Variants in ADCY9 observed in about 807,000 individuals in gnomAD.
The protein encoded by ADCY9 is adenylate cyclase type 9.
ADCY9 carries 50 observed loss-of-function variants against 101.5 expected under a neutral mutation model. The observed-to-expected ratio is 0.49, with a 90% CI of 0.39 to 0.62. The LOEUF (loss-of-function observed/expected upper bound fraction) is 0.62, where lower values mean the gene tolerates loss of function less well. Among genes scored for constraint, ADCY9 ranks in the 20% least tolerant of loss-of-function variants. ADCY9 has a pLI of 0.00. For synonymous variants in ADCY9, 905 were observed against 769.3 expected (o/e 1.18, Z -2.92); for missense variants, 1,662 against 1,800.4 (o/e 0.92, Z 1.39).
chr16:3,991,572 C>T (rs2056243929), intron 5 of ADCY9, among the ~76,000 whole-genome samples: 1 of 151,984 alleles, frequency 6.6e-6, no homozygotes, highest in Non-Finnish European at 1.5e-5. Flanking sequence ...ACCCGCCTGG[C>T]CAACATGTTA....
chr16:4,036,115 A>G lies in ADCY9; in HGVS notation c.1694-28557T>C, dbSNP rs574899538. On this transcript the variant is annotated intron_variant, in intron 2 of 10. Transcript: ENST00000294016. ...TGCCAGAGCTGTGATCTTCCAGTAC[A>G]CTGGAGAAGCTCCTTGTATCTTCCT... Among the ~76,000 whole-genome samples the G allele has an allele frequency of 6.2e-5, 9 of 144,634 alleles. No individual in the cohort carries two copies. The South Asian group carries it at 2.0e-3, about 32-fold the overall frequency. The allele number at this position is 144,634 out of a possible 152,430, so 94.9% of individuals were successfully genotyped here.
chr16:4,100,180 T>C (rs950828522), intron 2 of ADCY9, among the ~76,000 whole-genome samples: 8 of 152,100 alleles, frequency 5.3e-5, no homozygotes, highest in Admixed American at 3.9e-4. Flanking sequence ...TCTCTCACTC[T>C]CTCTCTCTCC....
intron 3 of ADCY9, among the ~76,000 whole-genome samples, chr16:3,995,085 C>T (rs1460833787): frequency 2.0e-5 from 3 of 152,184 alleles, no homozygotes; most frequent in African/African-American, 7.2e-5. Context: ...CTGTTCAAAT[C>T]ACTTTACCTC....
chr16:4,107,368 T>A (rs1047470534), intron 2 of ADCY9, among the ~76,000 whole-genome samples: 5 of 151,780 alleles, frequency 3.3e-5, no homozygotes, highest in African/African-American at 9.7e-5. Flanking sequence ...CTGGCCTACA[T>A]GGTGAAACCC....
chr16:4,108,706 CTTT>C (rs112428707), intron 2 of ADCY9, among the ~76,000 whole-genome samples: 7 of 124,530 alleles, frequency 5.6e-5, no homozygotes, highest in African/African-American at 9.2e-5. Flanking sequence ...GTCCCTCACA[CTTT>C]TTTTTTTTTT....
chr16:3,998,749 G>GAAAAGA (rs1352047433), intron 3 of ADCY9, among the ~76,000 whole-genome samples: 6 of 89,718 alleles, frequency 6.7e-5, no homozygotes, highest in Non-Finnish European at 1.2e-4. Flanking sequence ...AAGAAAGAAA[G>GAAAAGA]AAAGAAAAGA....
chr16:4,004,511 G>C (rs2056353913), intron 3 of ADCY9, among the ~76,000 whole-genome samples: 2 of 152,234 alleles, frequency 1.3e-5, no homozygotes, highest in African/African-American at 4.8e-5. Flanking sequence ...ACACAGTTCT[G>C]CTCGGGCTTC....
At chr16:4,100,144 T>C (rs548990313) in intron 2 of ADCY9, among the ~76,000 whole-genome samples, 3 of 152,214 alleles carry the variant, frequency 2.0e-5, no homozygotes, top group South Asian at 2.1e-4. Context: ...GGTTTAAAAG[T>C]GGCAGTTCCC....
At chr16:4,095,471 C>G (rs189362113) in intron 2 of ADCY9, among the ~76,000 whole-genome samples, 157 of 152,224 alleles carry the variant, frequency 1.0e-3, no homozygotes, top group African/African-American at 3.6e-3. Context: ...ACAGAATCAT[C>G]GGTAAGAACA....
Position 3,992,080 on chromosome 16 carries a change from A to G in ADCY9, c.2207+66T>C. ...AGCGAGACTCAGTCTTAAAGAAAAG[A>G]AAAGAAAAAGGCAGAGAGGCTTCTG... is the stretch of plus-strand genomic sequence containing the variant. On this transcript the variant is annotated intron_variant, in intron 5 of 10. Coordinates refer to ENST00000294016, the MANE Select transcript of ADCY9 (RefSeq NM_001116.4). This position sits in a 1 kb window ranked among gnomAD's most constrained non-coding sequence, Gnocchi z 4.2. The G allele has an allele frequency of 6.6e-7, 1 of 1,522,356 alleles. No individual in the cohort carries two copies. Among genetic ancestry groups the G allele is most frequent in the Non-Finnish European group, 9.0e-7 (1 of 1,108,790 alleles). The allele number at this position is 1,522,356 out of a possible 1,614,324, so 94.3% of individuals were successfully genotyped here. A position where few individuals can be genotyped will look rare whatever the true frequency, so the allele number is the denominator to read the frequency against.
chr16:3,963,122 A>C lies in ADCY9; in HGVS notation c.*2653T>G, dbSNP rs368545021. 6 of 64,416 alleles carry C rather than the reference A, an allele frequency of 9.3e-5. No individual in the cohort carries two copies. The South Asian group carries it at 2.6e-3, about 28-fold the overall frequency. 4.0% of individuals were successfully genotyped at this position (64,416 alleles called of 1,614,324 possible). On this transcript the variant is annotated 3_prime_UTR_variant, in exon 11 of 11. Coordinates refer to ENST00000294016, the MANE Select transcript of ADCY9 (RefSeq NM_001116.4). ...CATATATATATATATATATATATAT[A>C]TATATATATATATATATATATGGAT... is the stretch of plus-strand genomic sequence containing the variant.
At chr16:4,054,575 CT>C (rs913079110) in intron 2 of ADCY9, among the ~76,000 whole-genome samples, 89 of 146,330 alleles carry the variant, frequency 6.1e-4, no homozygotes, top group Admixed American at 7.5e-4. Flanking sequence ...GGATTTTTTT[CT>C]TTTTTTTTTT....
intron 2 of ADCY9, among the ~76,000 whole-genome samples, chr16:4,037,581 G>C (rs972280705): frequency 6.6e-6 from 1 of 152,108 alleles, no homozygotes; most frequent in Non-Finnish European, 1.5e-5. Flanking sequence ...ATATCTAGTA[G>C]TGGGATTAAT....
chr16:3,971,905 G>A (rs1335655360), intron 10 of ADCY9, among the ~76,000 whole-genome samples: 1 of 152,222 alleles, frequency 6.6e-6, no homozygotes, highest in Non-Finnish European at 1.5e-5. Context: ...CAGCACAGCT[G>A]ACTCGAGACG....
chr16:3,987,055 A>G (rs2056199313), intron 6 of ADCY9, among the ~76,000 whole-genome samples: 1 of 152,126 alleles, frequency 6.6e-6, no homozygotes, highest in Admixed American at 6.5e-5. Flanking sequence ...GCTCTTTGGT[A>G]TCTCTAACGT....
chr16:3,990,263 C>T (rs901727932), intron 5 of ADCY9, among the ~76,000 whole-genome samples: 1 of 152,010 alleles, frequency 6.6e-6, no homozygotes, highest in Non-Finnish European at 1.5e-5. Flanking sequence ...GTCAGGAGCT[C>T]GGGACCAGCC....
chr16:4,046,249 G>A (rs2056663877), intron 2 of ADCY9, among the ~76,000 whole-genome samples: 1 of 151,818 alleles, frequency 6.6e-6, no homozygotes, highest in Admixed American at 6.6e-5. Flanking sequence ...ACTGAACCAC[G>A]GCACACAGTG....
At chr16:4,104,429 T>A (rs1347529637) in intron 2 of ADCY9, among the ~76,000 whole-genome samples, 1 of 152,116 alleles carries the variant, frequency 6.6e-6, no homozygotes. Context: ...ATATTGCAAC[T>A]AACATTTAAG....
intron 2 of ADCY9, among the ~76,000 whole-genome samples, chr16:4,022,490 C>CAAAAAAAAAAA (rs58498676): frequency 1.5e-5 from 1 of 65,048 alleles, no homozygotes; most frequent in Non-Finnish European, 2.5e-5. Context: ...GACTCCGTCT[C>CAAAAAAAAAAA]AAAAAAAAAA....
Sources: allele counts gnomAD v4.1 joint callset (sites outside exome capture counted in the v4.1 genomes callset), GRCh38; gene constraint gnomAD v4.1.1; non-coding constraint Gnocchi (gnomAD v3.1); transcripts MANE v1.5; gene names NCBI Gene and HGNC (gene_info 2026-07-23, HGNC 2026-07-21).